GHR: variants seen among roughly 807,000 people sequenced by gnomAD.
The protein encoded by GHR is GH receptor.
A neutral mutation model predicts 67.1 loss-of-function variants in GHR; 35 were observed. The ratio of observed to expected loss-of-function variants is 0.52; its 90% CI spans 0.40 to 0.69. GHR has a LOEUF of 0.69. Ranked by LOEUF, GHR falls within the 30% of genes least tolerant of loss-of-function variation. The probability of loss-of-function intolerance (pLI) is 0.00; values close to 1 mark genes in which losing one functional copy is unlikely to be tolerated. For synonymous variants in GHR, 272 were observed against 269.1 expected (o/e 1.01, Z -0.10); for missense variants, 792 against 764.6 (o/e 1.04, Z -0.42).
intron 1 of GHR, among the ~76,000 whole-genome samples, chr5:42,524,750 T>C (rs1177838735): frequency 6.6e-6 from 1 of 152,190 alleles, no homozygotes; most frequent in Non-Finnish European, 1.5e-5. Context: ...CCAGGGTCCC[T>C]GTGCTGTATG....
chr5:42,423,530 C>T lies in GHR; in HGVS notation c.-437C>T, dbSNP rs866651766. Among the ~76,000 whole-genome samples the T allele has an allele frequency of 2.6e-5, 4 of 152,214 alleles. No homozygotes were observed. Among genetic ancestry groups the T allele is most frequent in the African/African-American group, 4.8e-5 (2 of 41,458 alleles). ...GCTTGGCCCGGGCGGCACTCGGCCT[C>T]TCCGCAGCAGTTCTCGAACTGGCCT... On this transcript the variant is annotated 5_prime_UTR_variant, in exon 1 of 10. Transcript: ENST00000230882.
intron 3 of GHR, among the ~76,000 whole-genome samples, chr5:42,645,824 C>T (rs1463045846): frequency 6.6e-6 from 1 of 152,168 alleles, no homozygotes; most frequent in Non-Finnish European, 1.5e-5. Context: ...TACTCAGTTC[C>T]CTCAGTTTCG....
chr5:42,467,961 C>T, intron 1 of GHR: 1 of 700,008 alleles, frequency 1.4e-6, no homozygotes, highest in Non-Finnish European at 2.5e-6. Context: ...TCTTTCCTTT[C>T]CCTCCTTATT....
In GHR at chr5:42,719,371, C is replaced by A. The variant is rs1485368494; in HGVS notation, c.1864C>A (p.Leu622Ile). 6.2e-7 allele frequency: 1 copy of A among 1,614,024 alleles called. No individual in the cohort carries two copies. Reference protein sequence around the residue: ...TALPLPDKEFLSSCGYVSTDQ... With the variant: ...TALPLPDKEFISSCGYVSTDQ... ...CTTGCCCTTGCCTGACAAAGAGTTT[C>A]TCTCATCATGTGGCTATGTGAGCAC... Residue 622 changes from leucine to isoleucine, a missense_variant, in exon 10 of 10, where the codon CTC (leucine) becomes ATC (isoleucine). Transcript: ENST00000230882.
At chr5:42,711,418 C>A in intron 7 of GHR, 46 bp downstream of exon 7, 2 of 1,367,806 alleles carry the variant, frequency 1.5e-6, no homozygotes, top group South Asian at 2.3e-5. Flanking sequence ...TGGCTTTTGT[C>A]AATATAACAG....
intron 3 of GHR, among the ~76,000 whole-genome samples, chr5:42,668,542 G>A (rs1756109971): frequency 6.6e-6 from 1 of 152,006 alleles, no homozygotes; most frequent in Non-Finnish European, 1.5e-5. Context: ...TTAGAAAAAT[G>A]GAAGTGTGAC....
At chr5:42,465,991 T>G in intron 1 of GHR, 1 of 632,030 alleles carries the variant, frequency 1.6e-6, no homozygotes, top group Non-Finnish European at 2.9e-6. Flanking sequence ...TTCTTCCAAC[T>G]TGTCTTATTC....
In GHR at chr5:42,456,627, G is replaced by A. The variant is rs1023199258; in HGVS notation, c.-12+32672G>A. The stretch of plus-strand genomic sequence containing the variant: ...AATTAAACAAAGTAAACGAGTCTCC[G>A]TTTCATTTGTTCCTGTTGCCTTCCT... On this transcript the variant is annotated intron_variant, in intron 1 of 9. Coordinates refer to ENST00000230882, the MANE Select transcript of GHR (RefSeq NM_000163.5). 3.3e-5 allele frequency among the ~76,000 whole-genome samples: 5 copies of A among 152,148 alleles called. No individual in the cohort carries two copies. In the South Asian group the frequency reaches 8.3e-4, roughly 25 times the overall value.
At chr5:42,560,394 A>G (rs912319708) in intron 1 of GHR, among the ~76,000 whole-genome samples, 7 of 152,094 alleles carry the variant, frequency 4.6e-5, no homozygotes, top group African/African-American at 9.7e-5. Flanking sequence ...GGGTTTCACC[A>G]TGTTGGCCAG....
intron 1 of GHR, among the ~76,000 whole-genome samples, chr5:42,504,527 G>A (rs977371210): frequency 2.0e-5 from 3 of 152,114 alleles, no homozygotes; most frequent in African/African-American, 4.8e-5. Flanking sequence ...TTGGGAGGCC[G>A]AGGTGGGTAG....
At chr5:42,636,193 G>A (rs968726276) in intron 3 of GHR, among the ~76,000 whole-genome samples, 18 of 129,758 alleles carry the variant, frequency 1.4e-4, no homozygotes, top group East Asian at 1.3e-3. Context: ...CTGGGCGACA[G>A]AGCGAGACCC....
intron 1 of GHR, among the ~76,000 whole-genome samples, chr5:42,472,003 G>GGGC: frequency 1.3e-5 from 2 of 152,250 alleles, no homozygotes; most frequent in East Asian, 3.9e-4. Flanking sequence ...TGCCTACTTT[G>GGGC]GGCCTTGACA....
chr5:42,505,254 T>A (rs921406204), intron 1 of GHR, among the ~76,000 whole-genome samples: 1 of 152,090 alleles, frequency 6.6e-6, no homozygotes, highest in Admixed American at 6.5e-5. Flanking sequence ...ATGGTTGAAT[T>A]CTATTTCTTA....
At chr5:42,559,269 G>A (rs1367106393) in intron 1 of GHR, among the ~76,000 whole-genome samples, 3 of 152,094 alleles carry the variant, frequency 2.0e-5, no homozygotes, top group Admixed American at 6.5e-5. Flanking sequence ...GGCTGGATGT[G>A]GTGGCTTATG....
chr5:42,617,341 T>G (rs1387575466), intron 2 of GHR, among the ~76,000 whole-genome samples: 6 of 151,786 alleles, frequency 4.0e-5, no homozygotes, highest in Non-Finnish European at 8.8e-5. Context: ...CATATTATTT[T>G]GGTTGCTCTT....
At chr5:42,667,181 A>G (rs1252796756) in intron 3 of GHR, among the ~76,000 whole-genome samples, 1 of 152,188 alleles carries the variant, frequency 6.6e-6, no homozygotes, top group Non-Finnish European at 1.5e-5. Context: ...GCTATACACA[A>G]GTGGAATTTA....
intron 2 of GHR, among the ~76,000 whole-genome samples, chr5:42,591,751 C>T (rs1751791205): frequency 1.3e-5 from 2 of 152,148 alleles, no homozygotes; most frequent in Admixed American, 1.3e-4. Context: ...CCCAAAAGAG[C>T]TCCAGACTTT....
chr5:42,505,095 A>C (rs1183833233), intron 1 of GHR, among the ~76,000 whole-genome samples: 1 of 150,924 alleles, frequency 6.6e-6, no homozygotes, highest in African/African-American at 2.4e-5. Flanking sequence ...CGGAGTTGTT[A>C]AACATGCATG....
intron 1 of GHR, among the ~76,000 whole-genome samples, chr5:42,523,740 C>A (rs1747576911): frequency 6.6e-6 from 1 of 152,136 alleles, no homozygotes; most frequent in Non-Finnish European, 1.5e-5. Context: ...GTGTCCCCAA[C>A]CAAATCTCAA....
Sources: gnomAD v4.1 joint callset for allele counts (sites outside exome capture counted in the v4.1 genomes callset) on GRCh38, gnomAD v4.1.1 for gene constraint, MANE v1.5 for transcripts, NCBI Gene and HGNC (gene_info 2026-07-23, HGNC 2026-07-21) for gene names.